Variants in PHF10 observed in about 807,000 individuals in gnomAD.
PHF10 encodes the protein BRG1-associated factor 45a.
A neutral mutation model predicts 68.5 loss-of-function variants in PHF10; 51 were observed. The ratio of observed to expected loss-of-function variants is 0.74; its 90% CI spans 0.59 to 0.94. The LOEUF (loss-of-function observed/expected upper bound fraction) is 0.94, where lower values mean the gene tolerates loss of function less well. PHF10 is among the 40% of genes least tolerant of loss of function. The probability of loss-of-function intolerance (pLI) is 0.00; values close to 1 mark genes in which losing one functional copy is unlikely to be tolerated. For synonymous variants in PHF10, 204 were observed against 203.5 expected, an observed-to-expected ratio of 1.00 and a Z score of -0.02; for missense variants, 460 against 602.6, an observed-to-expected ratio of 0.76 and a Z score of 2.48.
chr6:169,720,715 A>G (rs1381414252), intron 2 of PHF10, among the ~76,000 whole-genome samples: 1 of 152,188 alleles, frequency 6.6e-6, no homozygotes, highest in East Asian at 1.9e-4. Context: ...TTGGAAATGG[A>G]TGGTGGTAAT....
At chr6:169,704,425 CTT>C (rs1361299326) in intron 11 of PHF10, 1 of 254,608 alleles carries the variant, frequency 3.9e-6, no homozygotes, top group Non-Finnish European at 7.9e-6. Context: ...TTTTTTAAGA[CTT>C]TTTCTCTCCT....
Position 169,714,718 on chromosome 6 carries a change from A to G in PHF10, c.803+15T>C. 7.8e-7 allele frequency: 1 copy of G among 1,286,510 alleles called. No individual in the cohort carries two copies. The highest frequency in any genetic ancestry group is 1.1e-6 in the Non-Finnish European group (1 of 881,286). 79.7% of individuals were successfully genotyped at this position (1,286,510 alleles called of 1,614,324 possible). ...CCAATAGCCGATACCAACTGTAACT[A>G]AAACTACTAAATACCTCTTATAATA... On this transcript the variant is annotated intron_variant, in intron 7 of 11. Coordinates refer to ENST00000339209, the MANE Select transcript of PHF10 (RefSeq NM_018288.4).
At position 169,724,457 on chromosome 6, in the gene PHF10, C is replaced by T. The variant is rs1789278988; in HGVS notation, c.-526G>A. 6.9e-6 allele frequency among the ~76,000 whole-genome samples: 1 copy of T among 143,920 alleles called. No homozygotes were observed. The highest frequency in any genetic ancestry group is 2.5e-5 in the African/African-American group (1 of 39,744). 94.4% of individuals were successfully genotyped at this position (143,920 alleles called of 152,430 possible). On this transcript the variant is annotated 5_prime_UTR_variant, in exon 1 of 12. Transcript: ENST00000339209. ...GCTCCCCTCAGCCCCGCGGCCGCCT[C>T]AGCCCCGCCGCCGCCTGGCTCCCCA... is the stretch of plus-strand genomic sequence containing the variant.
At position 169,724,054 on chromosome 6, in the gene PHF10, C is replaced by T. The variant is rs899792701; in HGVS notation, c.-123G>A. 6.9e-6 allele frequency: 1 copy of T among 145,332 alleles called. No individual in the cohort carries two copies. The highest frequency in any genetic ancestry group is 2.5e-5 in the African/African-American group (1 of 39,844). 9.0% of individuals were successfully genotyped at this position (145,332 alleles called of 1,614,324 possible). On this transcript the variant is annotated 5_prime_UTR_variant, in exon 1 of 12. Transcript: ENST00000339209. Reference sequence around the variant, plus strand: ...GCCCCCCGCCGCCCCGGCCCCGCCCCCTCCGCCCGCCCGCCCGGGGGCCGG... The same window carrying T: ...GCCCCCCGCCGCCCCGGCCCCGCCCTCTCCGCCCGCCCGCCCGGGGGCCGG...
In PHF10 at chr6:169,723,995, C is replaced by G; in HGVS notation, c.-64G>C. 5.3e-6 allele frequency: 2 copies of G among 374,304 alleles called. No homozygotes were observed. Among genetic ancestry groups the G allele is most frequent in the South Asian group, 1.0e-4 (1 of 9,764 alleles). The allele number at this position is 374,304 out of a possible 1,614,324, so 23.2% of individuals were successfully genotyped here. On this transcript the variant is annotated 5_prime_UTR_variant, in exon 1 of 12. Coordinates refer to ENST00000339209, the MANE Select transcript of PHF10 (RefSeq NM_018288.4). The stretch of plus-strand genomic sequence containing the variant: ...TCCGCCTTGTCCCGGCCGCCGCCGC[C>G]GCTGCCGCCGCCGCCGCCGCCGCCG...
intron 4 of PHF10, among the ~76,000 whole-genome samples, chr6:169,717,122 T>C (rs200019122): frequency 6.6e-6 from 1 of 151,994 alleles, no homozygotes; most frequent in Non-Finnish European, 1.5e-5. Flanking sequence ...TGTGATGACA[T>C]GCGCCTGTAG....
chr6:169,705,018 T>C lies in PHF10; in HGVS notation c.1411+115A>G, dbSNP rs1788728567. The C allele has an allele frequency of 1.2e-5, 8 of 673,558 alleles. No homozygotes were observed. In the East Asian group the frequency reaches 2.3e-4, roughly 19 times the overall value. 41.7% of individuals were successfully genotyped at this position (673,558 alleles called of 1,614,324 possible). A position where few individuals can be genotyped will look rare whatever the true frequency, so the allele number is the denominator to read the frequency against. On this transcript the variant is annotated intron_variant, in intron 11 of 11. Coordinates refer to ENST00000339209, the MANE Select transcript of PHF10 (RefSeq NM_018288.4). Reference sequence around the variant, plus strand: ...TGTATAATCACAGCTTTGGTCATATTTGCACATAAGAGTCCACAAGCTCTT... The same window carrying C: ...TGTATAATCACAGCTTTGGTCATATCTGCACATAAGAGTCCACAAGCTCTT...
At chr6:169,713,455 C>A (rs1788971710) in intron 7 of PHF10, among the ~76,000 whole-genome samples, 1 of 151,974 alleles carries the variant, frequency 6.6e-6, no homozygotes, top group African/African-American at 2.4e-5. Flanking sequence ...AGAAAATTAG[C>A]TGGGCAAGGT....
chr6:169,721,042 T>C lies in PHF10; in HGVS notation c.157A>G (p.Ser53Gly). The C allele has an allele frequency of 6.5e-7, 1 of 1,546,962 alleles. No homozygotes were observed. Among genetic ancestry groups the C allele is most frequent in the Non-Finnish European group, 8.7e-7 (1 of 1,144,580 alleles). The change falls in exon 2 of 12, where the codon AGT becomes GGT. Residue 53 changes from serine to glycine, a missense_variant. Ser to Gly is a moderately conservative substitution (Grantham distance 56). Around this residue, in one of 3 missense-constraint regions of PHF10, gnomAD observed 93 missense variants for 82.4 expected, o/e 1.13. Coordinates refer to ENST00000339209, the MANE Select transcript of PHF10 (RefSeq NM_018288.4). ...SKRRRMGSGD[S>G]SRSCETSSQD... ...CTTGAAGTTTCACAACTCCTAGAAC[T>C]ATCTCCTGAGCCCATTCGCCTCCTT... is the stretch of plus-strand genomic sequence containing the variant.
At position 169,724,204 on chromosome 6, in the gene PHF10, AGGAGGCCC is replaced by A. The variant is rs1261883923; in HGVS notation, c.-281_-274del. On this transcript the variant is annotated 5_prime_UTR_variant, in exon 1 of 12. Coordinates refer to ENST00000339209, the MANE Select transcript of PHF10 (RefSeq NM_018288.4). ...GGCGCGGGGCTGCGGGCCGGAATGGAGGAGGCCCAGCGGCGGCGGCGCTTCTCACGTCA... is the reference window on the plus strand; with the variant it reads ...GGCGCGGGGCTGCGGGCCGGAATGGAAGCGGCGGCGGCGCTTCTCACGTCA... 7.1e-6 allele frequency: 1 copy of A among 141,486 alleles called. No homozygotes were observed. The highest frequency in any genetic ancestry group is 1.5e-5 in the Non-Finnish European group (1 of 64,862). 8.8% of individuals were successfully genotyped at this position (141,486 alleles called of 1,614,324 possible).
intron 8 of PHF10, 59 bp downstream of exon 8, chr6:169,712,327 A>C (rs1276208820): frequency 1.4e-6 from 2 of 1,413,066 alleles, no homozygotes; most frequent in Admixed American, 1.8e-5. Context: ...ACAGAAATTC[A>C]ATGTAACAAA....
At chr6:169,711,716 AC>A (rs1224299174) in intron 8 of PHF10, among the ~76,000 whole-genome samples, 2 of 152,254 alleles carry the variant, frequency 1.3e-5, no homozygotes, top group Non-Finnish European at 2.9e-5. Flanking sequence ...GCTGTTGGTG[AC>A]AAGGAAATAA....
chr6:169,712,731 G>A (rs199653763), intron 7 of PHF10, among the ~76,000 whole-genome samples, 192 bp from the exon 8 acceptor site: 5 of 152,130 alleles, frequency 3.3e-5, no homozygotes, highest in East Asian at 3.9e-4. Context: ...CTAGACTTAT[G>A]TAAAATATGC....
Position 169,721,036 on chromosome 6 carries a change from T to C in PHF10, c.163A>G (p.Arg55Gly). The change falls in exon 2 of 12, where the codon AGG becomes GGG. Residue 55 changes from arginine to glycine, a missense_variant. By Grantham distance (125) the Arg-to-Gly change is moderately radical. This residue lies in a region of PHF10 where 93 missense variants were observed against 82.4 expected (regional missense o/e 1.13). Coordinates refer to ENST00000339209, the MANE Select transcript of PHF10 (RefSeq NM_018288.4). Reference sequence around the variant, plus strand: ...TCTTGACTTGAAGTTTCACAACTCCTAGAACTATCTCCTGAGCCCATTCGC... The same window carrying C: ...TCTTGACTTGAAGTTTCACAACTCCCAGAACTATCTCCTGAGCCCATTCGC... ...RRRMGSGDSS[R>G]SCETSSQDLG... 2 of 1,545,900 alleles carry C rather than the reference T, an allele frequency of 1.3e-6. No homozygotes were observed. The highest frequency in any genetic ancestry group is 1.2e-5 in the South Asian group (1 of 83,792).
At chr6:169,720,867 T>C (rs891094215) in intron 2 of PHF10, 138 bp downstream of exon 2, 4 of 560,314 alleles carry the variant, frequency 7.1e-6, no homozygotes, top group African/African-American at 3.7e-5. Context: ...CCAACTTTGA[T>C]GGCACATTAT....
At chr6:169,716,565 A>C (rs892158457) in intron 4 of PHF10, among the ~76,000 whole-genome samples, 4 of 152,134 alleles carry the variant, frequency 2.6e-5, no homozygotes, top group Non-Finnish European at 2.9e-5. Context: ...TTCAAAACTC[A>C]CAGTATCAGA....
Position 169,704,096 on chromosome 6 carries a change from A to G in PHF10, c.1412-8T>C. ...AGTCACAAATCCAGCGACCTAGGAA[A>G]AAAATTGTTAATATAGAATGAAAAA... On this transcript the variant is annotated splice_polypyrimidine_tract_variant and splice_region_variant and intron_variant, in intron 11 of 11. Coordinates refer to ENST00000339209, the MANE Select transcript of PHF10 (RefSeq NM_018288.4). 2 of 1,573,160 alleles carry G rather than the reference A, an allele frequency of 1.3e-6. No individual in the cohort carries two copies. The highest frequency in any genetic ancestry group is 1.7e-6 in the Non-Finnish European group (2 of 1,167,856).
intron 2 of PHF10, 126 bp downstream of exon 2, chr6:169,720,879 G>T: frequency 1.7e-6 from 1 of 595,690 alleles, no homozygotes; most frequent in East Asian, 2.8e-5. Context: ...GCACATTATA[G>T]AACAGGAAGA....
Position 169,712,413 on chromosome 6 carries a change from A to G in PHF10, c.930T>C (p.Asp310=), listed in dbSNP as rs1788944816. ...AAGTGCCTTTATTTTTCCGTTTCTC[A>G]TCACCTCGACCATCTTCGCCATCAT... The part of the protein sequence containing the change: ...DSDDGEDGRG[D]EKRKNKGTSD... The change falls in exon 8 of 12, where the codon GAT becomes GAC. Residue 310 remains aspartate, a synonymous_variant. Transcript: ENST00000339209. The G allele has an allele frequency of 6.2e-7, 1 of 1,614,140 alleles. No individual in the cohort carries two copies. Among genetic ancestry groups the G allele is most frequent in the Non-Finnish European group, 8.5e-7 (1 of 1,179,972 alleles).
Sources: allele counts gnomAD v4.1 joint callset (sites outside exome capture counted in the v4.1 genomes callset), GRCh38; gene constraint gnomAD v4.1.1; regional missense constraint gnomAD v4.1.1; transcripts MANE v1.5; gene names NCBI Gene and HGNC (gene_info 2026-07-23, HGNC 2026-07-21).